The following AGPAT3 variants were observed in gnomAD, a reference collection of about 807,000 sequenced individuals.
The protein encoded by AGPAT3 is 1-acylglycerol-3-phosphate O-acyltransferase 3.
In AGPAT3, 5 loss-of-function variants were observed where a neutral mutation model predicts 47.3. The ratio of observed to expected loss-of-function variants is 0.11; its 90% confidence interval spans 0.06 to 0.22. The LOEUF (loss-of-function observed/expected upper bound fraction) is 0.22, where lower values mean the gene tolerates loss of function less well. Among genes scored for constraint, AGPAT3 ranks in the 10% least tolerant of loss-of-function variants. The pLI is 1.00. For missense variants in AGPAT3, 315 were observed against 493.0 expected, an observed-to-expected ratio of 0.64 and a Z score of 3.42; for synonymous variants, 212 against 208.3, an observed-to-expected ratio of 1.02 and a Z score of -0.15.
chr21:43,915,526 C>T (rs1219215480), intron 2 of AGPAT3, among the ~76,000 whole-genome samples: 1 of 149,018 alleles, frequency 6.7e-6, no homozygotes, highest in Admixed American at 6.7e-5. Context: ...ATTCTCCTGC[C>T]TCAGCCTCCT....
At chr21:43,931,372 C>G (rs992210000) in intron 2 of AGPAT3, among the ~76,000 whole-genome samples, 1 of 152,176 alleles carries the variant, frequency 6.6e-6, no homozygotes, top group African/African-American at 2.4e-5. Context: ...TAAAAACACT[C>G]TATTTTATGT....
At position 43,969,150 on chromosome 21, in the gene AGPAT3, C is replaced by G. The variant is rs79309256; in HGVS notation, c.381C>G (p.Leu127=). 2.2e-3 allele frequency: 3,576 copies of G among 1,614,226 alleles called. 73 individuals are homozygous for G. In the South Asian group the frequency reaches 0.03, roughly 13 times the overall value. ...AGGTCCTCGCTAAGAAGGAGCTGCT[C>G]TACGTGCCCCTCATCGGCTGGACGT... ...SSKVLAKKEL[L]YVPLIGWTWY... is the part of the protein sequence containing the mutation. Residue 127 remains leucine (L), a synonymous_variant, in exon 5 of 10, where the codon CTC becomes CTG. Transcript: ENST00000291572.
intron 2 of AGPAT3, among the ~76,000 whole-genome samples, chr21:43,948,771 A>G (rs1200966201): frequency 6.6e-6 from 1 of 152,260 alleles, no homozygotes; most frequent in Non-Finnish European, 1.5e-5. Context: ...TCTAAATACA[A>G]TAGAAATATA....
intron 2 of AGPAT3, among the ~76,000 whole-genome samples, chr21:43,907,521 T>C (rs1339465707): frequency 6.6e-6 from 1 of 152,044 alleles, no homozygotes; most frequent in East Asian, 1.9e-4. Context: ...ATCGAGACCA[T>C]CCTGGCTAAC....
chr21:43,942,305 T>C lies in AGPAT3; in HGVS notation c.-48-17329T>C, dbSNP rs141693555. 1.0e-3 allele frequency among the ~76,000 whole-genome samples: 152 copies of C among 152,310 alleles called. 1 individual carries two copies. The East Asian group carries it at 0.028, about 28-fold the overall frequency. On this transcript the variant is annotated intron_variant, in intron 2 of 9. Transcript: ENST00000291572. The stretch of plus-strand genomic sequence containing the variant: ...GCCTGTAATAGGAGCGATTCTGCAT[T>C]GATGGCACCACGGGTCCAGGGAGGC...
At chr21:43,925,915 T>A (rs1381652400) in intron 2 of AGPAT3, among the ~76,000 whole-genome samples, 1 of 152,196 alleles carries the variant, frequency 6.6e-6, no homozygotes, top group Non-Finnish European at 1.5e-5. Flanking sequence ...CTGGCCTCTC[T>A]GGTGTGGTGG....
In AGPAT3 at chr21:43,933,640, TTGGC is replaced by T. The variant is rs1381184004; in HGVS notation, c.-48-25993_-48-25990del. Among the ~76,000 whole-genome samples the T allele has an allele frequency of 1.4e-4, 21 of 152,098 alleles. No individual in the cohort carries two copies. The highest frequency in any genetic ancestry group is 3.9e-4 in the Admixed American group (6 of 15,270). On this transcript the variant is annotated intron_variant, in intron 2 of 9. Coordinates refer to ENST00000291572, the MANE Select transcript of AGPAT3 (RefSeq NM_020132.5). The surrounding 1 kb of genome is among the most constrained non-coding windows in gnomAD (Gnocchi z 6.0). ...AAACTGAGGCACAGCTTGGAAGCGG[TTGGC>T]ACTGGGGTTAGGCTCCAGTAGTCTC...
intron 2 of AGPAT3, among the ~76,000 whole-genome samples, chr21:43,907,985 G>A (rs563657270): frequency 1.3e-5 from 2 of 152,302 alleles, no homozygotes; most frequent in African/African-American, 4.8e-5. Flanking sequence ...CCCCACCCTC[G>A]TGGAAGCATG....
chr21:43,923,980 A>C (rs2086974213), intron 2 of AGPAT3, among the ~76,000 whole-genome samples: 1 of 152,122 alleles, frequency 6.6e-6, no homozygotes, highest in African/African-American at 2.4e-5. Flanking sequence ...GTTAGGAGTA[A>C]CAGTAGATGC....
chr21:43,883,862 G>A (rs1442837956), intron 1 of AGPAT3, among the ~76,000 whole-genome samples: 2 of 152,154 alleles, frequency 1.3e-5, no homozygotes, highest in East Asian at 3.8e-4. Context: ...CCAAAGTGCT[G>A]GGATTACAGG....
intron 1 of AGPAT3, among the ~76,000 whole-genome samples, chr21:43,868,839 C>T (rs2085563382): frequency 6.6e-6 from 1 of 152,152 alleles, no homozygotes; most frequent in Non-Finnish European, 1.5e-5. Context: ...CCCCATCACA[C>T]AGAAACTGAC....
chr21:43,979,331 GA>G (rs1224752096), intron 8 of AGPAT3, among the ~76,000 whole-genome samples: 3 of 130,358 alleles, frequency 2.3e-5, no homozygotes, highest in Non-Finnish European at 5.0e-5. Context: ...GAAAAAAAAA[GA>G]AAGAAAAAAA....
chr21:43,874,218 G>T (rs1465730402), intron 1 of AGPAT3, among the ~76,000 whole-genome samples: 1 of 152,012 alleles, frequency 6.6e-6, no homozygotes, highest in African/African-American at 2.4e-5. Context: ...TAGAGACAGG[G>T]TTTCACCATG....
intron 1 of AGPAT3, among the ~76,000 whole-genome samples, chr21:43,892,746 A>T (rs2086127723): frequency 6.6e-6 from 1 of 152,202 alleles, no homozygotes; most frequent in African/African-American, 2.4e-5. Context: ...TCTAGTTGTG[A>T]AAGTCCTAGA....
chr21:43,947,987 A>G (rs1273659005), intron 2 of AGPAT3, among the ~76,000 whole-genome samples: 2 of 152,354 alleles, frequency 1.3e-5, no homozygotes, highest in East Asian at 3.9e-4. Flanking sequence ...ATGTATATTG[A>G]ATACGAGCCA....
chr21:43,932,014 T>C lies in AGPAT3; in HGVS notation c.-48-27620T>C, dbSNP rs1237351057. Among the ~76,000 whole-genome samples the C allele has an allele frequency of 6.6e-6, 1 of 151,910 alleles. No homozygotes were observed. Among genetic ancestry groups the C allele is most frequent in the African/African-American group, 2.4e-5 (1 of 41,296 alleles). ...TCATCTATCTATAATTGACAAAATA[T>C]GATTGTGTATATGGAGTACCATGTG... On this transcript the variant is annotated intron_variant, in intron 2 of 9. Transcript: ENST00000291572. This position sits in a 1 kb window ranked among gnomAD's most constrained non-coding sequence, Gnocchi z 5.2.
At chr21:43,884,830 C>T (rs935987390) in intron 1 of AGPAT3, among the ~76,000 whole-genome samples, 2 of 152,128 alleles carry the variant, frequency 1.3e-5, no homozygotes, top group Admixed American at 1.3e-4. Flanking sequence ...GTGGGTCTGC[C>T]CTTGGGTGTG....
chr21:43,969,252 C>G lies in AGPAT3; in HGVS notation c.483C>G (p.Arg161=). The G allele has an allele frequency of 6.2e-7, 1 of 1,614,222 alleles. No homozygotes were observed. Among genetic ancestry groups the G allele is most frequent in the Non-Finnish European group, 8.5e-7 (1 of 1,180,024 alleles). Residue 161 remains arginine (R), a synonymous_variant, in exon 5 of 10, where the codon CGC becomes CGG. Transcript: ENST00000291572. The part of the protein sequence containing the change: ...DRDTVVEGLR[R]LSDYPEYMWF... ...ACACCGTGGTCGAAGGGCTGAGGCG[C>G]CTGTCGGACTACCCCGAGTACATGT...
chr21:43,972,082 G>A (rs773695908), intron 7 of AGPAT3, among the ~76,000 whole-genome samples: 30 of 152,184 alleles, frequency 2.0e-4, no homozygotes, highest in African/African-American at 5.3e-4. Context: ...GATGGCAGCC[G>A]CAGCACGCGA....
Sources: gnomAD v4.1 joint callset for allele counts (sites outside exome capture counted in the v4.1 genomes callset) on GRCh38, gnomAD v4.1.1 for gene constraint, Gnocchi (gnomAD v3.1) non-coding constraint, MANE v1.5 for transcripts, NCBI Gene and HGNC (gene_info 2026-07-23, HGNC 2026-07-21) for gene names.